Variants in SUCLG2 observed in about 807,000 individuals in gnomAD.
SUCLG2 encodes the protein succinate-CoA ligase GDP-forming subunit beta, also known as succinate--CoA ligase [GDP-forming] subunit beta, mitochondrial.
SUCLG2 carries 42 observed loss-of-function variants against 47.9 expected under a neutral mutation model. The ratio of observed to expected loss-of-function variants is 0.88; its 90% CI spans 0.69 to 1.14. The LOEUF is 1.14. SUCLG2 is among the 50% of genes most tolerant of loss of function. The pLI is 0.00. For missense variants in SUCLG2, 571 were observed against 525.9 expected, an observed-to-expected ratio of 1.09 and a Z score of -0.84; for synonymous variants, 195 against 197.3, an observed-to-expected ratio of 0.99 and a Z score of 0.10.
Position 67,528,988 on chromosome 3 carries a change from T to C in SUCLG2, c.326+99A>G, listed in dbSNP as rs2634731. 7.0e-6 allele frequency: 7 copies of C among 998,174 alleles called. No homozygotes were observed. In the African/African-American group the frequency reaches 8.2e-5, roughly 12 times the overall value. 61.8% of individuals were successfully genotyped at this position (998,174 alleles called of 1,614,324 possible). A position where few individuals can be genotyped will look rare whatever the true frequency, so the allele number is the denominator to read the frequency against. ...TCTTCTAGTTGCTTTGGCCCGCTCC[T>C]ACCCCACCACAACCAACCTCAGTGT... On this transcript the variant is annotated intron_variant, in intron 3 of 10. Transcript: ENST00000307227.
At chr3:67,527,862 T>C (rs1288996625) in intron 4 of SUCLG2, among the ~76,000 whole-genome samples, 1 of 152,176 alleles carries the variant, frequency 6.6e-6, no homozygotes, top group Non-Finnish European at 1.5e-5. Context: ...TGCATCTGTG[T>C]TCTCAGAGGG....
chr3:67,543,263 A>G lies in SUCLG2; in HGVS notation c.227-14077T>C, dbSNP rs576168564. Among the ~76,000 whole-genome samples, 7 of 152,360 alleles carry G rather than the reference A, an allele frequency of 4.6e-5. No homozygotes were observed. The South Asian group carries it at 1.0e-3, about 23-fold the overall frequency. On this transcript the variant is annotated intron_variant, in intron 2 of 10. Coordinates refer to ENST00000307227, the MANE Select transcript of SUCLG2 (RefSeq NM_003848.4). ...TAAGTGTAAATGTCAGAAAATGCCC[A>G]TGCACAAACTAAGCTTTAAGCTGAC...
At chr3:67,474,632 A>G (rs1704699174) in intron 9 of SUCLG2, among the ~76,000 whole-genome samples, 1 of 152,346 alleles carries the variant, frequency 6.6e-6, no homozygotes, top group Admixed American at 6.5e-5. Flanking sequence ...AAGTTTTAAA[A>G]TAGTTTTTTA....
intron 10 of SUCLG2, among the ~76,000 whole-genome samples, chr3:67,385,985 C>T (rs995106701): frequency 6.6e-6 from 1 of 152,124 alleles, no homozygotes; most frequent in Non-Finnish European, 1.5e-5. Context: ...TCCTGAGAGG[C>T]TAGAAGGTCT....
intron 2 of SUCLG2, among the ~76,000 whole-genome samples, chr3:67,603,116 C>T (rs1708456007): frequency 6.6e-6 from 1 of 152,162 alleles, no homozygotes; most frequent in African/African-American, 2.4e-5. Flanking sequence ...ATATTATTGA[C>T]TCCAAAGTCA....
At chr3:67,492,238 G>A (rs1282122546) in intron 9 of SUCLG2, among the ~76,000 whole-genome samples, 1 of 152,164 alleles carries the variant, frequency 6.6e-6, no homozygotes, top group Non-Finnish European at 1.5e-5. Flanking sequence ...CAACAGAGTT[G>A]GGGTCATGGA....
chr3:67,510,650 CAT>C (rs1559552769), intron 6 of SUCLG2, among the ~76,000 whole-genome samples: 4 of 152,134 alleles, frequency 2.6e-5, no homozygotes, highest in Non-Finnish European at 5.9e-5. Flanking sequence ...GTAGATCAAT[CAT>C]ATCTTTTTAA....
At chr3:67,615,602 GAACACA>G (rs1230684622) in intron 1 of SUCLG2, among the ~76,000 whole-genome samples, 39 of 131,642 alleles carry the variant, frequency 3.0e-4, no homozygotes, top group Middle Eastern at 7.3e-3. Flanking sequence ...AGATGCCACT[GAACACA>G]AACACAAACA....
At chr3:67,383,632 T>G (rs989201332) in intron 10 of SUCLG2, among the ~76,000 whole-genome samples, 25 of 152,166 alleles carry the variant, frequency 1.6e-4, no homozygotes, top group African/African-American at 6.0e-4. Flanking sequence ...TAAGTTCTTC[T>G]CTACACGGTT....
rs912368683 is a variant in SUCLG2, at chr3:67,379,199, G to A, written c.1184-3340C>T. 4.6e-5 allele frequency among the ~76,000 whole-genome samples: 7 copies of A among 152,114 alleles called. No individual in the cohort carries two copies. In the East Asian group the frequency reaches 1.4e-3, roughly 29 times the overall value. On this transcript the variant is annotated intron_variant, in intron 10 of 10. Transcript: ENST00000307227. ...TGACCTCAAGTGATCCACTTGCCTC[G>A]GCCTCCCAAAGTCTGGGATTAGAAG...
At chr3:67,434,474 T>C (rs570673674) in intron 9 of SUCLG2, among the ~76,000 whole-genome samples, 1 of 152,152 alleles carries the variant, frequency 6.6e-6, no homozygotes, top group Non-Finnish European at 1.5e-5. Flanking sequence ...CTGCAGTGTG[T>C]GGTGATCATG....
At chr3:67,370,751 C>G (rs951211594), downstream of SUCLG2, among the ~76,000 whole-genome samples, 15 of 152,298 alleles carry the variant, frequency 9.8e-5, no homozygotes, top group African/African-American at 3.4e-4. Context: ...TCTCTCAAAA[C>G]ATTTCATTGT....
chr3:67,566,669 T>C (rs1324744339), intron 2 of SUCLG2, among the ~76,000 whole-genome samples: 1 of 152,212 alleles, frequency 6.6e-6, no homozygotes, highest in Non-Finnish European at 1.5e-5. Context: ...TGATTCACTT[T>C]TCTTACAATT....
At chr3:67,479,406 A>T (rs1214428172) in intron 9 of SUCLG2, among the ~76,000 whole-genome samples, 8 of 152,236 alleles carry the variant, frequency 5.3e-5, no homozygotes, top group Non-Finnish European at 1.2e-4. Flanking sequence ...GTCACATATC[A>T]TTATGAATCA....
chr3:67,558,793 G>C (rs1707228467), intron 2 of SUCLG2, among the ~76,000 whole-genome samples: 1 of 152,096 alleles, frequency 6.6e-6, no homozygotes, highest in Non-Finnish European at 1.5e-5. Context: ...CTGGAGAAAG[G>C]GTCGCTCCCC....
chr3:67,386,791 A>G (rs1210968927), intron 10 of SUCLG2, among the ~76,000 whole-genome samples: 1 of 152,204 alleles, frequency 6.6e-6, no homozygotes, highest in Non-Finnish European at 1.5e-5. Flanking sequence ...GAGGCAAGCC[A>G]TATCATTTAC....
chr3:67,410,061 T>C (rs1702899981), intron 9 of SUCLG2, among the ~76,000 whole-genome samples: 1 of 152,204 alleles, frequency 6.6e-6, no homozygotes, highest in South Asian at 2.1e-4. Context: ...TTCTAAATTA[T>C]AACACCTTAA....
At chr3:67,563,800 A>G (rs1472630395) in intron 2 of SUCLG2, among the ~76,000 whole-genome samples, 1 of 152,042 alleles carries the variant, frequency 6.6e-6, no homozygotes, top group Non-Finnish European at 1.5e-5. Flanking sequence ...TTTACTAAAA[A>G]TACAAAAAAA....
intron 10 of SUCLG2, among the ~76,000 whole-genome samples, chr3:67,392,849 A>C (rs987299658): frequency 7.2e-5 from 11 of 151,728 alleles, no homozygotes; most frequent in Admixed American, 3.9e-4. Context: ...GGGTCTTGCT[A>C]AGTTGCCCAG....
Sources: allele counts gnomAD v4.1 joint callset (sites outside exome capture counted in the v4.1 genomes callset), GRCh38; gene constraint gnomAD v4.1.1; transcripts MANE v1.5; gene names NCBI Gene and HGNC (gene_info 2026-07-23, HGNC 2026-07-21).